The following ARL15 variants were observed in gnomAD, a reference collection of about 807,000 sequenced individuals.
ARL15 encodes ARF like GTPase 15, also known as ADP-ribosylation factor-like protein 15.
In ARL15, 19 loss-of-function variants were observed where a neutral mutation model predicts 25.2. That is an observed-to-expected ratio of 0.75 (90% CI 0.53 to 1.10). ARL15 has a LOEUF of 1.10. Among genes scored for constraint, ARL15 ranks in the 50% least tolerant of loss-of-function variants. ARL15 has a pLI of 0.00. For synonymous variants in ARL15, 94 were observed against 86.8 expected (o/e 1.08, Z -0.46); for missense variants, 220 against 246.0 (o/e 0.89, Z 0.71).
At chr5:53,997,285 T>C (rs1432645755) in intron 4 of ARL15, among the ~76,000 whole-genome samples, 1 of 152,220 alleles carries the variant, frequency 6.6e-6, no homozygotes, top group Non-Finnish European at 1.5e-5. Context: ...TCGTTCTTCA[T>C]TTCTTGATAT....
intron 1 of ARL15, among the ~76,000 whole-genome samples, chr5:54,302,955 C>T (rs2897686): frequency 0.73 from 110,248 of 151,780 alleles, 41,178 homozygotes; most frequent in Non-Finnish European, 0.81. Context: ...GGATCCAAAA[C>T]AAAAGCCCCT....
At chr5:54,253,652 C>T (rs1168949597) in intron 1 of ARL15, among the ~76,000 whole-genome samples, 3 of 151,866 alleles carry the variant, frequency 2.0e-5, no homozygotes, top group Admixed American at 6.6e-5. Flanking sequence ...AGTGCAATGG[C>T]GTGATCACAG....
At chr5:54,091,627 C>T (rs1424530984) in intron 4 of ARL15, among the ~76,000 whole-genome samples, 1 of 152,138 alleles carries the variant, frequency 6.6e-6, no homozygotes, top group African/African-American at 2.4e-5. Context: ...GTATGGGAAG[C>T]TAACTGTTCC....
chr5:54,261,780 C>A (rs72754268), intron 1 of ARL15, among the ~76,000 whole-genome samples: 2 of 151,950 alleles, frequency 1.3e-5, no homozygotes, highest in Non-Finnish European at 2.9e-5. Flanking sequence ...CATGACCACA[C>A]CGTTTTTTCG....
In ARL15 at chr5:54,035,487, C is replaced by T. The variant is rs988669418; in HGVS notation, c.462+77715G>A. Among the ~76,000 whole-genome samples the T allele has an allele frequency of 3.3e-5, 5 of 152,150 alleles. No homozygotes were observed. The East Asian group carries it at 5.8e-4, about 18-fold the overall frequency. On this transcript the variant is annotated intron_variant, in intron 4 of 4. Coordinates refer to ENST00000504924, the MANE Select transcript of ARL15 (RefSeq NM_019087.3). ...TAAATGTATTTATGATATATTAATA[C>T]TTGGTCATCAGAAATGTAACAGAAA...
intron 4 of ARL15, among the ~76,000 whole-genome samples, chr5:54,022,270 T>C (rs979157980): frequency 2.0e-5 from 3 of 152,130 alleles, no homozygotes; most frequent in Non-Finnish European, 2.9e-5. Flanking sequence ...TCCCAAAGTA[T>C]GGTGCTTTGG....
chr5:53,926,710 C>T (rs1159676106), intron 4 of ARL15, among the ~76,000 whole-genome samples: 3 of 152,102 alleles, frequency 2.0e-5, no homozygotes, highest in African/African-American at 7.2e-5. Flanking sequence ...CTTCTGCCAC[C>T]CAGCTTCACG....
intron 4 of ARL15, among the ~76,000 whole-genome samples, chr5:54,025,716 A>G (rs1749771564): frequency 6.6e-6 from 1 of 152,170 alleles, no homozygotes; most frequent in Non-Finnish European, 1.5e-5. Context: ...ATTAGTGAGA[A>G]AGCTATTTCC....
At chr5:54,295,859 G>C in intron 1 of ARL15, among the ~76,000 whole-genome samples, 1 of 152,162 alleles carries the variant, frequency 6.6e-6, no homozygotes, top group South Asian at 2.1e-4. Flanking sequence ...AGGGATAAAA[G>C]AGCTGGCCAA....
intron 3 of ARL15, among the ~76,000 whole-genome samples, chr5:54,123,000 T>C (rs1753129846): frequency 1.3e-5 from 2 of 152,152 alleles, no homozygotes. Flanking sequence ...AATTAATGAG[T>C]GAATGGGGAG....
intron 1 of ARL15, among the ~76,000 whole-genome samples, chr5:54,268,056 A>C (rs1757675299): frequency 6.6e-6 from 1 of 151,830 alleles, no homozygotes; most frequent in African/African-American, 2.4e-5. Flanking sequence ...AATATCCTGC[A>C]GAGTGTTTTC....
At chr5:53,952,355 T>A (rs1004785907) in intron 4 of ARL15, among the ~76,000 whole-genome samples, 3 of 152,184 alleles carry the variant, frequency 2.0e-5, no homozygotes, top group African/African-American at 7.2e-5. Flanking sequence ...ACTTTTTAGT[T>A]TCTTATGTTA....
At chr5:54,304,672 G>A (rs550910052) in intron 1 of ARL15, among the ~76,000 whole-genome samples, 4 of 152,222 alleles carry the variant, frequency 2.6e-5, no homozygotes, top group Non-Finnish European at 5.9e-5. Context: ...TGTTTATTGT[G>A]CTCAGATAAT....
At chr5:54,226,637 T>G (rs561960866) in intron 1 of ARL15, among the ~76,000 whole-genome samples, 6 of 146,254 alleles carry the variant, frequency 4.1e-5, no homozygotes, top group Admixed American at 1.4e-4. Flanking sequence ...TTAGAAATAA[T>G]GCCTTGCTTT....
chr5:54,113,216 G>T lies in ARL15; in HGVS notation c.448C>A (p.Arg150Ser). ...LANHQDKPAARSVQEIKKYFE... is the reference protein window; with the variant it reads ...LANHQDKPAASSVQEIKKYFE... ...ATGAGACATACCTCTTGTACTGAGC[G>T]AGCTGCTGGCTTGTCTTGATGATTG... The change falls in exon 4 of 5, where the codon CGC becomes AGC. Residue 150 changes from arginine to serine, a missense_variant. Arg to Ser is a moderately radical substitution (Grantham distance 110). Coordinates refer to ENST00000504924, the MANE Select transcript of ARL15 (RefSeq NM_019087.3). The T allele has an allele frequency of 6.2e-7, 1 of 1,613,608 alleles. No individual in the cohort carries two copies. Among genetic ancestry groups the T allele is most frequent in the Non-Finnish European group, 8.5e-7 (1 of 1,179,832 alleles).
intron 1 of ARL15, among the ~76,000 whole-genome samples, chr5:54,280,310 A>G (rs1758022979): frequency 6.6e-6 from 1 of 152,234 alleles, no homozygotes; most frequent in Admixed American, 6.5e-5. Flanking sequence ...AAACAGACTC[A>G]GGAATTAACT....
rs546212561 is a variant in ARL15 at position 53,915,889 on chromosome 5, T to C, written c.463-29176A>G. Among the ~76,000 whole-genome samples, 30 of 152,318 alleles carry C rather than the reference T, an allele frequency of 2.0e-4. No individual in the cohort carries two copies. In the South Asian group the frequency reaches 5.6e-3, roughly 28 times the overall value. ...GTCAGGTGACTTTAAGTGATTCGCC[T>C]CTTGGTTCCCAATTTGGCTTCTATT... On this transcript the variant is annotated intron_variant, in intron 4 of 4. Coordinates refer to ENST00000504924, the MANE Select transcript of ARL15 (RefSeq NM_019087.3).
intron 1 of ARL15, among the ~76,000 whole-genome samples, chr5:54,274,989 G>A (rs1282408064): frequency 1.3e-5 from 2 of 152,202 alleles, no homozygotes; most frequent in Non-Finnish European, 2.9e-5. Flanking sequence ...ACAACTCTGT[G>A]TGCTTATGTG....
chr5:53,985,195 A>G (rs10059074), intron 4 of ARL15, among the ~76,000 whole-genome samples: 9,750 of 152,098 alleles, frequency 0.064, 384 homozygotes, highest in African/African-American at 0.11. Context: ...CTCCTCCAAG[A>G]ACAGCAGGTC....
Sources: allele counts gnomAD v4.1 joint callset (sites outside exome capture counted in the v4.1 genomes callset), GRCh38; gene constraint gnomAD v4.1.1; transcripts MANE v1.5; gene names NCBI Gene and HGNC (gene_info 2026-07-23, HGNC 2026-07-21).